Variants in LINGO2 observed in about 807,000 individuals in gnomAD.
The protein encoded by LINGO2 is leucine rich repeat and Ig domain containing 2, also known as leucine-rich repeat and immunoglobulin-like domain-containing nogo receptor-interacting protein 2.
Under a neutral mutation model 30.6 loss-of-function variants are expected in LINGO2, and 14 were observed. That is an observed-to-expected ratio of 0.46 (90% CI 0.30 to 0.72). The LOEUF is 0.72. LINGO2 is among the 30% of genes least tolerant of loss of function. The pLI is 0.07. For synonymous variants in LINGO2, 317 were observed against 288.5 expected (o/e 1.10, Z -1.00); for missense variants, 729 against 751.7 (o/e 0.97, Z 0.35).
chr9:28,788,233 A>T, the LINGO2 span, among the ~76,000 whole-genome samples: 6 of 152,188 alleles, frequency 3.9e-5, no homozygotes, highest in East Asian at 1.2e-3. Flanking sequence ...GCCAGTAATT[A>T]AAGCTCCTTG....
the LINGO2 span, among the ~76,000 whole-genome samples, chr9:29,080,073 C>T: frequency 1.3e-5 from 2 of 152,034 alleles, no homozygotes; most frequent in Non-Finnish European, 2.9e-5. Flanking sequence ...CCATCTGGTC[C>T]TGGACTTTTT....
At chr9:28,937,796 T>G in the LINGO2 span, among the ~76,000 whole-genome samples, 1 of 152,280 alleles carries the variant, frequency 6.6e-6, no homozygotes, top group East Asian at 1.9e-4. Context: ...TTTCTTTTTT[T>G]TTCCACTTTT....
In LINGO2 at chr9:28,007,237, C is replaced by T. The variant is rs546023205; in HGVS notation, c.-36+5118G>A. 5.9e-5 allele frequency among the ~76,000 whole-genome samples: 9 copies of T among 152,184 alleles called. No homozygotes were observed. In the South Asian group the frequency reaches 1.5e-3, roughly 25 times the overall value. On this transcript the variant is annotated intron_variant, in intron 5 of 5. Transcript: ENST00000379992. ...AGTCTCTTGTTGACAGCCTCATCGT[C>T]CACGTTAGGAAGTGGCGCCAAACCC... is the stretch of plus-strand genomic sequence containing the variant.
At chr9:28,638,753 C>T (rs947033177) in intron 1 of LINGO2, among the ~76,000 whole-genome samples, 1 of 151,802 alleles carries the variant, frequency 6.6e-6, no homozygotes, top group Non-Finnish European at 1.5e-5. Context: ...AATTTTGTTG[C>T]TCTTTTCAAA....
intron 5 of LINGO2, among the ~76,000 whole-genome samples, chr9:27,968,895 C>CCT (rs897063100): frequency 2.7e-5 from 4 of 149,954 alleles, no homozygotes; most frequent in South Asian, 4.2e-4. Context: ...TAATTTCTCA[C>CCT]CTCTCTCTCT....
chr9:28,669,402 T>C (rs1465539467), intron 1 of LINGO2, among the ~76,000 whole-genome samples: 1 of 152,164 alleles, frequency 6.6e-6, no homozygotes, highest in African/African-American at 2.4e-5. Flanking sequence ...TTTAGTTCAA[T>C]TAAATAAGAC....
chr9:29,208,979 T>C, the LINGO2 span, among the ~76,000 whole-genome samples: 319 of 152,270 alleles, frequency 2.1e-3, 3 homozygotes, highest in African/African-American at 7.2e-3. Context: ...TGATAATCCT[T>C]TTTTTAAAAA....
chr9:29,190,200 T>C, the LINGO2 span, among the ~76,000 whole-genome samples: 3 of 152,208 alleles, frequency 2.0e-5, no homozygotes, highest in African/African-American at 4.8e-5. Flanking sequence ...TGTTGAATCA[T>C]AATCTAGAGA....
intron 2 of LINGO2, among the ~76,000 whole-genome samples, chr9:28,443,271 T>C (rs914537): frequency 0.34 from 51,049 of 152,162 alleles, 9,968 homozygotes; most frequent in Middle Eastern, 0.44. Flanking sequence ...TAATGGATAA[T>C]GTCATTTAAA....
intron 3 of LINGO2, among the ~76,000 whole-genome samples, chr9:28,305,960 G>A (rs1329055051): frequency 1.3e-5 from 2 of 151,968 alleles, no homozygotes; most frequent in Non-Finnish European, 2.9e-5. Context: ...CTAAATCATA[G>A]AAAACTCAGA....
the LINGO2 span, among the ~76,000 whole-genome samples, chr9:28,753,343 G>C: frequency 6.6e-6 from 1 of 152,022 alleles, no homozygotes; most frequent in African/African-American, 2.4e-5. Flanking sequence ...TTACAGAAAA[G>C]TATTTCGTTC....
chr9:27,948,822 A>G (rs1823471968), exon 6 of LINGO2: 1 of 1,578,130 alleles, frequency 6.3e-7, no homozygotes, highest in Non-Finnish European at 8.6e-7. Context: ...CCACATTGAC[A>G]AAGAGACAGT....
At chr9:29,094,492 C>A in the LINGO2 span, among the ~76,000 whole-genome samples, 1 of 138,512 alleles carries the variant, frequency 7.2e-6, no homozygotes, top group African/African-American at 2.7e-5. Flanking sequence ...GAAACTGAAG[C>A]AAAGAAAAAT....
intron 2 of LINGO2, among the ~76,000 whole-genome samples, chr9:28,464,457 G>C (rs1182809141): frequency 6.6e-6 from 1 of 152,120 alleles, no homozygotes; most frequent in South Asian, 2.1e-4. Flanking sequence ...GTACATGGCT[G>C]TCATCCTCAA....
At chr9:28,609,752 CATAG>C (rs1825837788) in intron 1 of LINGO2, among the ~76,000 whole-genome samples, 1 of 152,004 alleles carries the variant, frequency 6.6e-6, no homozygotes, top group African/African-American at 2.4e-5. Context: ...AATTATTTGT[CATAG>C]ATAGTTATCT....
At chr9:28,740,072 C>A in the LINGO2 span, among the ~76,000 whole-genome samples, 1 of 150,986 alleles carries the variant, frequency 6.6e-6, no homozygotes, top group African/African-American at 2.4e-5. Flanking sequence ...TTTTTGATTT[C>A]TCACTTAATT....
At chr9:28,889,358 A>G in the LINGO2 span, among the ~76,000 whole-genome samples, 929 of 152,244 alleles carry the variant, frequency 6.1e-3, 8 homozygotes, top group African/African-American at 0.022. Flanking sequence ...GGGAACTACG[A>G]GATCAGAATT....
intron 2 of LINGO2, among the ~76,000 whole-genome samples, chr9:28,415,592 G>A (rs547733775): frequency 2.6e-4 from 40 of 152,128 alleles, no homozygotes; most frequent in African/African-American, 9.2e-4. Flanking sequence ...CATTTTCCTG[G>A]AAGTATTCTT....
the LINGO2 span, among the ~76,000 whole-genome samples, chr9:29,184,233 A>T: frequency 6.6e-6 from 1 of 152,168 alleles, no homozygotes; most frequent in African/African-American, 2.4e-5. Context: ...CCTTAAACTG[A>T]AAGTAGCCAG....
Sources: allele counts gnomAD v4.1 joint callset (sites outside exome capture counted in the v4.1 genomes callset), GRCh38; gene constraint gnomAD v4.1.1; transcripts MANE v1.5; gene names NCBI Gene and HGNC (gene_info 2026-07-23, HGNC 2026-07-21).